The following GALNT17 variants were observed in gnomAD, a reference collection of about 807,000 sequenced individuals.
GALNT17 encodes polypeptide N-acetylgalactosaminyltransferase 17.
Under a neutral mutation model 63.7 loss-of-function variants are expected in GALNT17, and 29 were observed. That is an observed-to-expected ratio of 0.46 (90% CI 0.34 to 0.62). The LOEUF (loss-of-function observed/expected upper bound fraction) is 0.62. GALNT17 is among the 20% of genes least tolerant of loss of function. The probability of loss-of-function intolerance (pLI) is 0.01; values close to 1 mark genes in which losing one functional copy is unlikely to be tolerated. For synonymous variants in GALNT17, 305 were observed against 318.3 expected (o/e 0.96, Z 0.45); for missense variants, 603 against 799.6 (o/e 0.75, Z 2.97).
In GALNT17 at chr7:71,212,366, G is replaced by A. The variant is rs190307090; in HGVS notation, c.238+79326G>A. 6.6e-5 allele frequency among the ~76,000 whole-genome samples: 10 copies of A among 152,346 alleles called. No homozygotes were observed. In the East Asian group the frequency reaches 1.4e-3, roughly 21 times the overall value. On this transcript the variant is annotated intron_variant, in intron 1 of 10. Transcript: ENST00000333538. ...CCACCTAGATTTTAAAAGATGTATG[G>A]AAAAACCTGGATGCCCAGGCAAAAG...
At chr7:71,365,873 A>G (rs970222027) in intron 2 of GALNT17, among the ~76,000 whole-genome samples, 2 of 152,024 alleles carry the variant, frequency 1.3e-5, no homozygotes, top group African/African-American at 4.8e-5. Flanking sequence ...TGTTTCTATT[A>G]TTATTACATT....
intron 1 of GALNT17, among the ~76,000 whole-genome samples, chr7:71,299,231 G>C (rs1354437006): frequency 6.6e-6 from 1 of 152,154 alleles, no homozygotes; most frequent in Non-Finnish European, 1.5e-5. Context: ...CAGTTTTAAG[G>C]CCAGTGCTCT....
chr7:71,484,292 A>C (rs1787872126), intron 5 of GALNT17, among the ~76,000 whole-genome samples: 1 of 152,148 alleles, frequency 6.6e-6, no homozygotes, highest in Non-Finnish European at 1.5e-5. Flanking sequence ...GTTCAAGACC[A>C]GCCTGGGCAA....
chr7:71,233,620 G>A (rs751972347), intron 1 of GALNT17, among the ~76,000 whole-genome samples: 61 of 152,146 alleles, frequency 4.0e-4, no homozygotes, highest in Admixed American at 2.7e-3. Flanking sequence ...AAGGGGAGCC[G>A]GATGAATCCA....
intron 5 of GALNT17, among the ~76,000 whole-genome samples, chr7:71,439,496 C>G (rs142454997): frequency 6.6e-6 from 1 of 152,150 alleles, no homozygotes; most frequent in Non-Finnish European, 1.5e-5. Context: ...ACATTAGCAA[C>G]GTAAACTTTC....
intron 1 of GALNT17, among the ~76,000 whole-genome samples, chr7:71,290,302 A>T (rs145788647): frequency 6.6e-6 from 1 of 152,200 alleles, no homozygotes; most frequent in African/African-American, 2.4e-5. Context: ...ATGGGAAGAC[A>T]TCTTTCGCTT....
chr7:71,557,124 T>C (rs1005662754), intron 5 of GALNT17, among the ~76,000 whole-genome samples: 2 of 151,268 alleles, frequency 1.3e-5, no homozygotes, highest in Non-Finnish European at 2.9e-5. Context: ...ATTCCTGGCC[T>C]GAAGCAGTCC....
intron 6 of GALNT17, among the ~76,000 whole-genome samples, chr7:71,600,928 C>G (rs1302322292): frequency 8.6e-5 from 13 of 151,972 alleles, no homozygotes; most frequent in African/African-American, 2.2e-4. Context: ...ACTCTTCCCC[C>G]CAAGTCCCCA....
At chr7:71,394,987 A>C (rs1253916683) in intron 3 of GALNT17, among the ~76,000 whole-genome samples, 1 of 152,014 alleles carries the variant, frequency 6.6e-6, no homozygotes, top group Non-Finnish European at 1.5e-5. Flanking sequence ...CTGTAGTCTG[A>C]GCTACTCGGG....
At chr7:71,337,965 C>T (rs1355878070) in intron 2 of GALNT17, among the ~76,000 whole-genome samples, 1 of 152,010 alleles carries the variant, frequency 6.6e-6, no homozygotes, top group Non-Finnish European at 1.5e-5. Context: ...GGAAGCCAAT[C>T]GCTTTGGGCA....
At chr7:71,490,023 C>T (rs1028353643) in intron 5 of GALNT17, among the ~76,000 whole-genome samples, 1 of 151,666 alleles carries the variant, frequency 6.6e-6, no homozygotes, top group Admixed American at 6.6e-5. Context: ...TTTGGGAGGC[C>T]GAGGCGGGCA....
chr7:71,420,657 C>T (rs1786645230), intron 4 of GALNT17, among the ~76,000 whole-genome samples: 1 of 152,068 alleles, frequency 6.6e-6, no homozygotes, highest in South Asian at 2.1e-4. Context: ...GCTTTTCGGG[C>T]CAGAGCAGGC....
At chr7:71,378,316 A>G (rs1792782646) in intron 2 of GALNT17, among the ~76,000 whole-genome samples, 1 of 152,192 alleles carries the variant, frequency 6.6e-6, no homozygotes, top group Non-Finnish European at 1.5e-5. Flanking sequence ...CGCACCTCTC[A>G]GTGATTCCAA....
chr7:71,233,644 A>G (rs2158736), intron 1 of GALNT17, among the ~76,000 whole-genome samples: 102,204 of 151,952 alleles, frequency 0.67, 36,207 homozygotes, highest in African/African-American at 0.88. Flanking sequence ...TGTGATGGCA[A>G]GAGTCTGGGA....
chr7:71,197,608 C>T (rs1789079076), intron 1 of GALNT17, among the ~76,000 whole-genome samples: 1 of 152,024 alleles, frequency 6.6e-6, no homozygotes, highest in Admixed American at 6.6e-5. Flanking sequence ...CTCCCCTTCC[C>T]AGCCTCTGGT....
chr7:71,463,629 T>C (rs1787488157), intron 5 of GALNT17, among the ~76,000 whole-genome samples: 1 of 152,196 alleles, frequency 6.6e-6, no homozygotes, highest in African/African-American at 2.4e-5. Flanking sequence ...CTTGATGATA[T>C]GCTAAACCAG....
intron 1 of GALNT17, among the ~76,000 whole-genome samples, chr7:71,241,740 T>C (rs1052891768): frequency 4.6e-5 from 7 of 151,702 alleles, no homozygotes; most frequent in Admixed American, 4.6e-4. Flanking sequence ...ATTTAAAAAA[T>C]TAGCCAGGTA....
intron 5 of GALNT17, among the ~76,000 whole-genome samples, chr7:71,557,071 T>TGG (rs1554308283): frequency 6.1e-5 from 8 of 131,466 alleles, no homozygotes; most frequent in African/African-American, 2.2e-4. Context: ...TTTTTTTTTT[T>TGG]GGGGAGAGAT....
intron 6 of GALNT17, among the ~76,000 whole-genome samples, chr7:71,587,458 G>A (rs979754967): frequency 6.6e-6 from 1 of 151,982 alleles, no homozygotes; most frequent in South Asian, 2.1e-4. Flanking sequence ...TAAACATCAT[G>A]TTTTTTCATT....
Sources: allele counts gnomAD v4.1 joint callset (sites outside exome capture counted in the v4.1 genomes callset), GRCh38; gene constraint gnomAD v4.1.1; transcripts MANE v1.5; gene names NCBI Gene and HGNC (gene_info 2026-07-23, HGNC 2026-07-21).